AFAP1L2: variants seen among roughly 807,000 people sequenced by gnomAD.
The protein encoded by AFAP1L2 is actin filament-associated protein 1-like 2.
Under a neutral mutation model 99.3 loss-of-function variants are expected in AFAP1L2, and 46 were observed. That is an observed-to-expected ratio of 0.46 (90% CI 0.37 to 0.59). The LOEUF (loss-of-function observed/expected upper bound fraction) is 0.59. AFAP1L2 is among the 20% of genes least tolerant of loss of function. The pLI, the probability that AFAP1L2 is intolerant of heterozygous loss-of-function variation, is 0.00. For missense variants in AFAP1L2, 959 were observed against 1,034.9 expected (o/e 0.93, Z 1.01); for synonymous variants, 397 against 419.1 (o/e 0.95, Z 0.64).
At chr10:114,310,807 G>A (rs578181961) in intron 7 of AFAP1L2, among the ~76,000 whole-genome samples, 1 of 152,358 alleles carries the variant, frequency 6.6e-6, no homozygotes, top group African/African-American at 2.4e-5. Flanking sequence ...TTCTGTTGCA[G>A]GCGTGATCAA....
chr10:114,369,207 A>G (rs2053736529), intron 1 of AFAP1L2, among the ~76,000 whole-genome samples: 1 of 152,162 alleles, frequency 6.6e-6, no homozygotes, highest in Non-Finnish European at 1.5e-5. Context: ...TTGTAATCCC[A>G]GCACTTTGAG....
intron 4 of AFAP1L2, among the ~76,000 whole-genome samples, chr10:114,327,174 T>TA (rs1491529827): frequency 0.25 from 14,686 of 57,804 alleles, 3,976 homozygotes; most frequent in East Asian, 0.49. Context: ...TATATATATA[T>TA]TTTTTTTTTA....
At chr10:114,281,468 C>A in the AFAP1L2 span, among the ~76,000 whole-genome samples, 1 of 152,312 alleles carries the variant, frequency 6.6e-6, no homozygotes, top group South Asian at 2.1e-4. Context: ...CCCTCAGAAC[C>A]CATTTCCCTA....
At chr10:114,403,720 G>A (rs11196727) in intron 1 of AFAP1L2, among the ~76,000 whole-genome samples, 137,039 of 152,168 alleles carry the variant, frequency 0.9, 62,014 homozygotes, top group East Asian at 1. Context: ...CCCGCCCACC[G>A]GGGTTTGGCG....
At chr10:114,313,116 GGGGGCAGCAGGAAGGAGGGGA>G (rs1343319511) in intron 7 of AFAP1L2, among the ~76,000 whole-genome samples, 7 of 152,028 alleles carry the variant, frequency 4.6e-5, no homozygotes, top group East Asian at 3.9e-4. Context: ...TGATGGGAGA[GGGGGCAGCAGGAAGGAGGGGA>G]GGGGCAGCAG....
At chr10:114,355,390 G>T (rs992158109) in intron 1 of AFAP1L2, among the ~76,000 whole-genome samples, 1 of 151,672 alleles carries the variant, frequency 6.6e-6, no homozygotes, top group Admixed American at 6.6e-5. Context: ...GAGCCACCAC[G>T]CCCGGCTCTC....
chr10:114,290,182 G>A (rs1200228272), downstream of AFAP1L2: 1 of 1,541,778 alleles, frequency 6.5e-7, no homozygotes, highest in African/African-American at 1.4e-5. Context: ...TAGGGTAGGG[G>A]TCTTCGGGTC....
At chr10:114,293,900 T>C (rs572552244), downstream of AFAP1L2, among the ~76,000 whole-genome samples, 15 of 152,366 alleles carry the variant, frequency 9.8e-5, no homozygotes, top group East Asian at 2.9e-3. Context: ...GTAGCATGTA[T>C]CCATATCTGG....
intron 2 of AFAP1L2, 22 bp downstream of exon 2, chr10:114,340,581 A>G (rs2048675734): frequency 6.2e-7 from 1 of 1,610,456 alleles, no homozygotes; most frequent in African/African-American, 1.3e-5. Flanking sequence ...AGGCCTCTGC[A>G]CCACCCAGGG....
chr10:114,369,638 T>C (rs1368649329), intron 1 of AFAP1L2, among the ~76,000 whole-genome samples: 1 of 149,766 alleles, frequency 6.7e-6, no homozygotes, highest in Non-Finnish European at 1.5e-5. Context: ...AAAATTTTCA[T>C]ACATACGAAG....
At chr10:114,287,629 C>G in the AFAP1L2 span, among the ~76,000 whole-genome samples, 7 of 152,156 alleles carry the variant, frequency 4.6e-5, no homozygotes, top group Non-Finnish European at 7.3e-5. Context: ...CTGCCCACTC[C>G]CACCCTGCCC....
At chr10:114,310,960 C>CCCG (rs2043151646) in intron 7 of AFAP1L2, among the ~76,000 whole-genome samples, 1 of 119,142 alleles carries the variant, frequency 8.4e-6, no homozygotes, top group African/African-American at 3.4e-5. Flanking sequence ...CCGCCACCCA[C>CCCG]CCGCCCGCCC....
intron 8 of AFAP1L2, 94 bp from the exon 9 acceptor site, chr10:114,308,611 T>C: frequency 8.7e-7 from 1 of 1,149,908 alleles, no homozygotes. Context: ...GGCTCTTGGT[T>C]GTATGCCAGA....
intron 1 of AFAP1L2, among the ~76,000 whole-genome samples, chr10:114,364,354 A>G (rs1360134713): frequency 6.6e-6 from 1 of 152,172 alleles, no homozygotes; most frequent in Admixed American, 6.5e-5. Context: ...GGAGGCTGGA[A>G]GTCCAAAAAT....
intron 1 of AFAP1L2, among the ~76,000 whole-genome samples, chr10:114,395,757 G>A (rs773237706): frequency 2.4e-4 from 37 of 152,130 alleles, no homozygotes; most frequent in Non-Finnish European, 3.8e-4. Context: ...GCAGAGGTGT[G>A]CAGCCCAGGG....
At chr10:114,325,881 CCT>C (rs2046194896) in intron 4 of AFAP1L2, 1 of 1,287,440 alleles carries the variant, frequency 7.8e-7, no homozygotes. Flanking sequence ...GGTCCTCTCG[CCT>C]CTGTGGCAGT....
intron 4 of AFAP1L2, 133 bp from the exon 5 acceptor site, chr10:114,323,394 G>A: frequency 1.4e-6 from 1 of 710,964 alleles, no homozygotes; most frequent in South Asian, 1.8e-5. Context: ...AAGTTGGGAG[G>A]GAGAACATGC....
chr10:114,357,367 C>G (rs2051536829), intron 1 of AFAP1L2, among the ~76,000 whole-genome samples: 1 of 152,140 alleles, frequency 6.6e-6, no homozygotes, highest in Non-Finnish European at 1.5e-5. Flanking sequence ...TAATGCAACA[C>G]CCACACACAC....
In AFAP1L2 at chr10:114,296,009, T is replaced by C. The variant is rs377335353; in HGVS notation, c.*33A>G. On this transcript the variant is annotated 3_prime_UTR_variant, in exon 19 of 19. Coordinates refer to ENST00000304129, the MANE Select transcript of AFAP1L2 (RefSeq NM_001001936.3). ...AGCAGGATTGTCACCAAGGTCCACA[T>C]TGACATGAGAGTCTTTAGATGAAGC... 1.9e-5 allele frequency: 31 copies of C among 1,614,142 alleles called. No individual in the cohort carries two copies. The highest frequency in any genetic ancestry group is 6.7e-5 in the East Asian group (3 of 44,876).
Sources: allele counts gnomAD v4.1 joint callset (sites outside exome capture counted in the v4.1 genomes callset), GRCh38; gene constraint gnomAD v4.1.1; transcripts MANE v1.5; gene names NCBI Gene and HGNC (gene_info 2026-07-23, HGNC 2026-07-21).